The following ANK3 variants were observed in gnomAD, a reference collection of about 807,000 sequenced individuals.
ANK3 encodes ankyrin 3, also known as ankyrin-3.
ANK3 carries 57 observed loss-of-function variants against 370.9 expected under a neutral mutation model. That is an observed-to-expected ratio of 0.15 (90% CI 0.12 to 0.19). ANK3 has a LOEUF of 0.19. Among genes scored for constraint, ANK3 ranks in the 10% least tolerant of loss-of-function variants. ANK3 has a pLI of 1.00. For missense variants in ANK3, 4,439 were observed against 5,302.1 expected (o/e 0.84, Z 5.06); for synonymous variants, 1,929 against 1,946.3 (o/e 0.99, Z 0.23).
rs1477524549 is a variant in ANK3, at chr10:60,072,817, T to C, written c.8064A>G (p.Thr2688=). ...LSQQTEDSKS[T]VEAKGSISQS... ...GTGAAATACTTCCTTTGGCTTCCAC[T>C]GTGGACTTGCTGTCCTCAGTCTGTT... The change falls in exon 37 of 44, where the codon ACA becomes ACG. Residue 2688 remains threonine (T), a synonymous_variant. Transcript: ENST00000280772. 1 of 1,614,160 alleles carries C rather than the reference T, an allele frequency of 6.2e-7. No homozygotes were observed. Among genetic ancestry groups the C allele is most frequent in the Non-Finnish European group, 8.5e-7 (1 of 1,180,010 alleles).
At chr10:60,504,454 A>G (rs1477314245) in intron 2 of ANK3, among the ~76,000 whole-genome samples, 1 of 152,146 alleles carries the variant, frequency 6.6e-6, no homozygotes, top group African/African-American at 2.4e-5. Context: ...TGATTATAAT[A>G]AAGACTTATT....
At chr10:60,490,818 C>T (rs1350325691) in intron 2 of ANK3, among the ~76,000 whole-genome samples, 2 of 152,160 alleles carry the variant, frequency 1.3e-5, no homozygotes, top group Non-Finnish European at 2.9e-5. Context: ...TGTACAGATT[C>T]TAAGTGTTCA....
chr10:60,029,875 C>CTTTTTTTTTTTTTTTTTTTTTTTTTTTT lies in ANK3; in HGVS notation c.*20-77_*20-50dup, dbSNP rs71015756. 1.9e-4 allele frequency: 13 copies of CTTTTTTTTTTTTTTTTTTTTTTTTTTTT among 68,606 alleles called. 3 individuals are homozygous for CTTTTTTTTTTTTTTTTTTTTTTTTTTTT. Among genetic ancestry groups the CTTTTTTTTTTTTTTTTTTTTTTTTTTTT allele is most frequent in the East Asian group, 9.1e-4 (2 of 2,204 alleles). The allele number at this position is 68,606 out of a possible 1,614,324, so 4.2% of individuals were successfully genotyped here. ...TGAGTTTAGCTTTCTTTTTCTTTTT[C>CTTTTTTTTTTTTTTTTTTTTTTTTTTTT]TTTTTTTTTTTTTTTTTTTTTTTTT... On this transcript the variant is annotated intron_variant, in intron 43 of 43. Transcript: ENST00000280772.
rs572662327 is a variant in ANK3, at chr10:60,083,738, G to C, written c.4075-121C>G. On this transcript the variant is annotated intron_variant, in intron 32 of 43. Coordinates refer to ENST00000280772, the MANE Select transcript of ANK3 (RefSeq NM_020987.5). ...ATGTTACACGTGTCTCTATTAGGCA[G>C]TTACTTCTGTGGTGCTATTTGCAAC... The C allele has an allele frequency of 7.5e-6, 6 of 802,482 alleles. No homozygotes were observed. The East Asian group carries it at 1.7e-4, about 22-fold the overall frequency. The allele number at this position is 802,482 out of a possible 1,614,324, so 49.7% of individuals were successfully genotyped here.
intron 2 of ANK3, among the ~76,000 whole-genome samples, chr10:60,614,206 G>C (rs2078238404): frequency 6.6e-6 from 1 of 152,116 alleles, no homozygotes; most frequent in Admixed American, 6.5e-5. Context: ...TGAAATAGCT[G>C]GTGTTAGACT....
chr10:60,671,035 C>G (rs1299063267), intron 1 of ANK3, among the ~76,000 whole-genome samples: 1 of 152,156 alleles, frequency 6.6e-6, no homozygotes. Context: ...TCAATAGGAA[C>G]CTGGGTCGGA....
Position 60,208,074 on chromosome 10 carries a change from G to A in ANK3, c.1156C>T (p.Leu386Phe), listed in dbSNP as rs1565684937. The A allele has an allele frequency of 6.2e-7, 1 of 1,613,972 alleles. No individual in the cohort carries two copies. Among genetic ancestry groups the A allele is most frequent in the Non-Finnish European group, 8.5e-7 (1 of 1,180,004 alleles). The change falls in exon 10 of 44, where the codon CTC becomes TTC. Residue 386 changes from leucine to phenylalanine, a missense_variant. Leu to Phe is a conservative substitution (Grantham distance 22, BLOSUM62 0). Around this residue, in one of 13 missense-constraint regions of ANK3, gnomAD observed 227 missense variants for 377.6 expected, o/e 0.60. Transcript: ENST00000280772. ...TTGGGGTTAGCTTTCTTATCCAAGA[G>A]AACCTTGGCAACTTTGTAATGGCCA... ...HCGHYKVAKVLLDKKANPNAK... is the reference protein window; with the variant it reads ...HCGHYKVAKVFLDKKANPNAK...
At chr10:60,170,569 G>A (rs1199881818) in intron 21 of ANK3, among the ~76,000 whole-genome samples, 1 of 152,172 alleles carries the variant, frequency 6.6e-6, no homozygotes, top group Admixed American at 6.5e-5. Context: ...ACTTCTTTTG[G>A]TGGAAGCCTC....
At chr10:60,449,287 A>C (rs1468063761) in intron 2 of ANK3, among the ~76,000 whole-genome samples, 1 of 152,154 alleles carries the variant, frequency 6.6e-6, no homozygotes, top group African/African-American at 2.4e-5. Context: ...ATTTAGCCCG[A>C]TATATCCAAA....
chr10:60,703,043 C>T (rs770220977), intron 1 of ANK3, among the ~76,000 whole-genome samples: 7 of 152,024 alleles, frequency 4.6e-5, no homozygotes, highest in Non-Finnish European at 8.8e-5. Context: ...AATACAAAAT[C>T]CAGAAAAGCA....
chr10:60,521,457 A>G (rs2076345172), intron 2 of ANK3, among the ~76,000 whole-genome samples: 1 of 152,138 alleles, frequency 6.6e-6, no homozygotes, highest in South Asian at 2.1e-4. Flanking sequence ...TAACTGTCTT[A>G]CAGTTTAAAT....
chr10:60,559,008 C>T (rs566203907), intron 2 of ANK3, among the ~76,000 whole-genome samples: 30 of 152,138 alleles, frequency 2.0e-4, no homozygotes, highest in Non-Finnish European at 2.6e-4. Flanking sequence ...ATTTATAGGC[C>T]CCCAAATTTC....
chr10:60,351,576 C>T (rs114688255), intron 1 of ANK3, among the ~76,000 whole-genome samples: 1,694 of 152,194 alleles, frequency 0.011, 37 homozygotes, highest in African/African-American at 0.039. Flanking sequence ...TTTTTTAGTC[C>T]AGCTTCTTTT....
rs2082887681 is a variant in ANK3 at position 60,072,357 on chromosome 10, C to T, written c.8524G>A (p.Ala2842Thr). Residue 2842 changes from alanine to threonine, a missense_variant, in exon 37 of 44, where the codon GCA becomes ACA. Coordinates refer to ENST00000280772, the MANE Select transcript of ANK3 (RefSeq NM_020987.5). ...TTTTTGTCCCATGGTCCCCTAGTTG[C>T]TAAATCTGAGGTTATATGACATGCC... Reference protein sequence around the residue: ...DLACHITSDLATRGPWDKKVF... With the variant: ...DLACHITSDLTTRGPWDKKVF... The T allele has an allele frequency of 1.9e-6, 3 of 1,613,786 alleles. No individual in the cohort carries two copies. The African/African-American group carries it at 4.0e-5, about 22-fold the overall frequency.
At chr10:60,261,241 C>T (rs1451854652) in intron 7 of ANK3, among the ~76,000 whole-genome samples, 1 of 152,182 alleles carries the variant, frequency 6.6e-6, no homozygotes, top group Non-Finnish European at 1.5e-5. Flanking sequence ...TTCTGATGGT[C>T]AAGCTGAACA....
chr10:60,046,951 C>T (rs189487944), intron 42 of ANK3, among the ~76,000 whole-genome samples: 1 of 151,820 alleles, frequency 6.6e-6, no homozygotes, highest in African/African-American at 2.4e-5. Context: ...GGACTACAGG[C>T]GCCCGCCACC....
chr10:60,638,991 T>C (rs1200878706), intron 1 of ANK3, among the ~76,000 whole-genome samples: 2 of 151,914 alleles, frequency 1.3e-5, no homozygotes, highest in African/African-American at 4.8e-5. Flanking sequence ...ATTTTCCAAA[T>C]TTGATAAAAA....
intron 2 of ANK3, among the ~76,000 whole-genome samples, chr10:60,612,324 A>C (rs1325405417): frequency 6.6e-6 from 1 of 152,178 alleles, no homozygotes; most frequent in Non-Finnish European, 1.5e-5. Flanking sequence ...GTTCCAAAGC[A>C]CTGAGGCAGA....
chr10:60,181,566 T>C (rs1178004876), intron 17 of ANK3, 139 bp from the exon 18 acceptor site: 6 of 793,064 alleles, frequency 7.6e-6, no homozygotes, highest in Non-Finnish European at 1.2e-5. Context: ...AATAAATTTA[T>C]ATGCTTGGGA....
Sources: gnomAD v4.1 joint callset for allele counts (sites outside exome capture counted in the v4.1 genomes callset) on GRCh38, gnomAD v4.1.1 for gene constraint, gnomAD v4.1.1 regional missense constraint, MANE v1.5 for transcripts, NCBI Gene and HGNC (gene_info 2026-07-23, HGNC 2026-07-21) for gene names.